The following TCAIM variants were observed in gnomAD, a reference collection of about 807,000 sequenced individuals.
The protein encoded by TCAIM is T-cell activation inhibitor, mitochondrial.
Under a neutral mutation model 58.6 loss-of-function variants are expected in TCAIM, and 36 were observed. That is an observed-to-expected ratio of 0.61 (90% confidence interval 0.47 to 0.81). The LOEUF (loss-of-function observed/expected upper bound fraction) is 0.81. Ranked by LOEUF, TCAIM falls within the 30% of genes least tolerant of loss-of-function variation. The pLI is 0.00. For synonymous variants in TCAIM, 172 were observed against 193.6 expected (o/e 0.89, Z 0.93); for missense variants, 466 against 579.6 (o/e 0.80, Z 2.01).
At chr3:44,393,063 AT>A in intron 6 of TCAIM, 86 bp downstream of exon 6, 2 of 1,167,668 alleles carry the variant, frequency 1.7e-6, no homozygotes, top group Non-Finnish European at 2.5e-6. Flanking sequence ...AAATATTTGC[AT>A]CTTTAATTGC....
At chr3:44,386,920 G>C (rs960271586) in intron 5 of TCAIM, among the ~76,000 whole-genome samples, 9 of 152,226 alleles carry the variant, frequency 5.9e-5, no homozygotes, top group African/African-American at 2.2e-4. Context: ...GCCAGGAACA[G>C]CCTGAAGCGT....
intron 10 of TCAIM, among the ~76,000 whole-genome samples, chr3:44,405,348 T>C (rs1419262570): frequency 2.6e-5 from 4 of 152,220 alleles, no homozygotes; most frequent in Non-Finnish European, 1.5e-5. Flanking sequence ...GAAGAGTGTT[T>C]AAGTAGTTCT....
intron 9 of TCAIM, 33 bp from the exon 10 acceptor site, chr3:44,401,170 G>A: frequency 6.2e-7 from 1 of 1,609,632 alleles, no homozygotes; most frequent in Non-Finnish European, 8.5e-7. Context: ...GAGAGGGTCA[G>A]TGGTTTTTCC....
At chr3:44,358,636 C>A in intron 3 of TCAIM, 1 of 520,094 alleles carries the variant, frequency 1.9e-6, no homozygotes, top group Non-Finnish European at 2.5e-6. Flanking sequence ...GCAAATACTA[C>A]ACTATTTTAT....
chr3:44,369,675 A>G (rs909457816), intron 5 of TCAIM, among the ~76,000 whole-genome samples: 1 of 152,234 alleles, frequency 6.6e-6, no homozygotes, highest in Non-Finnish European at 1.5e-5. Context: ...TTTATCCAGT[A>G]AAATTCCTTA....
At chr3:44,374,186 T>G (rs556945756) in intron 5 of TCAIM, among the ~76,000 whole-genome samples, 1 of 152,308 alleles carries the variant, frequency 6.6e-6, no homozygotes, top group South Asian at 2.1e-4. Flanking sequence ...GTTTATTTAC[T>G]CTTCCCTTTG....
At chr3:44,396,675 CTATT>C in intron 7 of TCAIM, 64 bp from the exon 8 acceptor site, 1 of 1,543,594 alleles carries the variant, frequency 6.5e-7, no homozygotes, top group South Asian at 1.1e-5. Flanking sequence ...GGTTTATACA[CTATT>C]TGCACAATGC....
intron 5 of TCAIM, among the ~76,000 whole-genome samples, chr3:44,372,567 A>G (rs1181362101): frequency 1.3e-5 from 2 of 151,450 alleles, no homozygotes; most frequent in Non-Finnish European, 2.9e-5. Context: ...TACAAATTAC[A>G]TTCATTGGAT....
intron 10 of TCAIM, among the ~76,000 whole-genome samples, chr3:44,402,483 A>G (rs1702035534): frequency 6.6e-6 from 1 of 152,174 alleles, no homozygotes; most frequent in Non-Finnish European, 1.5e-5. Context: ...AAGGAGTCCT[A>G]TTATAGCCAA....
chr3:44,370,928 T>TTA (rs1553659556), intron 5 of TCAIM, among the ~76,000 whole-genome samples: 3 of 147,140 alleles, frequency 2.0e-5, no homozygotes, highest in Non-Finnish European at 3.0e-5. Context: ...TTTTTTTTTT[T>TTA]AAAGATGGAG....
chr3:44,393,111 C>T, intron 6 of TCAIM, 134 bp downstream of exon 6: 2 of 737,252 alleles, frequency 2.7e-6, no homozygotes, highest in South Asian at 1.9e-5. Flanking sequence ...TCTTTATGAA[C>T]ATCATGAAAT....
intron 1 of TCAIM, chr3:44,341,030 G>A (rs996106486): frequency 3.9e-5 from 6 of 152,020 alleles, no homozygotes; most frequent in Admixed American, 6.6e-5. Flanking sequence ...TTTTTCCAAT[G>A]ATTTGTATAG....
intron 8 of TCAIM, among the ~76,000 whole-genome samples, chr3:44,397,993 C>T (rs1701960717): frequency 6.7e-6 from 1 of 148,968 alleles, no homozygotes; most frequent in African/African-American, 2.5e-5. Context: ...TAAAAAAGGG[C>T]AATCTAAAAC....
At chr3:44,346,999 A>G (rs1224594778) in intron 1 of TCAIM, among the ~76,000 whole-genome samples, 1 of 152,146 alleles carries the variant, frequency 6.6e-6, no homozygotes, top group East Asian at 1.9e-4. Context: ...GTGAGTTTAT[A>G]TAATGGTTTA....
intron 1 of TCAIM, among the ~76,000 whole-genome samples, chr3:44,349,389 G>A (rs115028429): frequency 1.1e-3 from 174 of 152,224 alleles, no homozygotes; most frequent in African/African-American, 3.9e-3. Context: ...AAAATAAGGC[G>A]TTTAGGTTTT....
At chr3:44,381,307 C>T (rs1298740588) in intron 5 of TCAIM, among the ~76,000 whole-genome samples, 1 of 152,034 alleles carries the variant, frequency 6.6e-6, no homozygotes, top group Non-Finnish European at 1.5e-5. Flanking sequence ...GATGGTTCCA[C>T]ATACAAAATC....
chr3:44,343,045 G>A (rs111336563), intron 1 of TCAIM, among the ~76,000 whole-genome samples: 6 of 151,864 alleles, frequency 4.0e-5, no homozygotes, highest in African/African-American at 1.5e-4. Context: ...GCTGAGGCAC[G>A]AGAATCGCTT....
chr3:44,400,291 T>A lies in TCAIM; in HGVS notation c.886-64T>A, dbSNP rs1025506979. ...ATGTCTTAATGCCATTTATTGGAAT[T>A]CTAAAATTAAATTATTATAGTAACA... On this transcript the variant is annotated intron_variant, in intron 8 of 10. Coordinates refer to ENST00000342649, the MANE Select transcript of TCAIM (RefSeq NM_173826.4). 3 of 1,261,208 alleles carry A rather than the reference T, an allele frequency of 2.4e-6. No individual in the cohort carries two copies. The African/African-American group carries it at 4.6e-5, about 19-fold the overall frequency. The allele number at this position is 1,261,208 out of a possible 1,614,324, so 78.1% of individuals were successfully genotyped here.
intron 1 of TCAIM, among the ~76,000 whole-genome samples, chr3:44,349,778 T>G (rs967886675): frequency 1.3e-5 from 2 of 151,910 alleles, no homozygotes; most frequent in Non-Finnish European, 2.9e-5. Flanking sequence ...GAACTGAAAT[T>G]AAGGGAAGGG....
Sources: gnomAD v4.1 joint callset for allele counts (sites outside exome capture counted in the v4.1 genomes callset) on GRCh38, gnomAD v4.1.1 for gene constraint, MANE v1.5 for transcripts, NCBI Gene and HGNC (gene_info 2026-07-23, HGNC 2026-07-21) for gene names.